The following OSBPL9 variants were observed in gnomAD, a reference collection of about 807,000 sequenced individuals.
The protein encoded by OSBPL9 is oxysterol-binding protein-related protein 9.
OSBPL9 carries 40 observed loss-of-function variants against 106.6 expected under a neutral mutation model. That is an observed-to-expected ratio of 0.38 (90% CI 0.29 to 0.49). The LOEUF (loss-of-function observed/expected upper bound fraction) is 0.49. Ranked by LOEUF, OSBPL9 falls within the 20% of genes least tolerant of loss-of-function variation. The pLI is 0.97. For missense variants in OSBPL9, 609 were observed against 887.2 expected (o/e 0.69, Z 3.98); for synonymous variants, 269 against 295.4 (o/e 0.91, Z 0.92).
chr1:51,723,379 A>G (rs922796199), intron 4 of OSBPL9, among the ~76,000 whole-genome samples: 6 of 152,126 alleles, frequency 3.9e-5, no homozygotes, highest in Admixed American at 3.3e-4. Flanking sequence ...CCAGAATGTC[A>G]TATCATTGGA....
upstream of OSBPL9, among the ~76,000 whole-genome samples, chr1:51,573,722 G>C (rs1645166399): frequency 1.3e-5 from 2 of 150,838 alleles, no homozygotes; most frequent in South Asian, 2.1e-4. Context: ...GCTGAGGCAG[G>C]AGAATCGCTT....
At chr1:51,601,254 G>A (rs949399747) in intron 2 of OSBPL9, among the ~76,000 whole-genome samples, 3 of 152,172 alleles carry the variant, frequency 2.0e-5, no homozygotes, top group Non-Finnish European at 4.4e-5. Flanking sequence ...GCCCATGTTT[G>A]GGAAATTACT....
At chr1:51,621,505 CAAA>C (rs201132605) in intron 1 of OSBPL9, among the ~76,000 whole-genome samples, 5 of 71,528 alleles carry the variant, frequency 7.0e-5, no homozygotes, top group Admixed American at 1.6e-4. Context: ...GACTCCGTCT[CAAA>C]AAAAAAAAAA....
At chr1:51,529,774 C>T in the OSBPL9 span, among the ~76,000 whole-genome samples, 1 of 150,470 alleles carries the variant, frequency 6.6e-6, no homozygotes, top group Non-Finnish European at 1.5e-5. Context: ...TGAAGTTGAA[C>T]CCCTACGTCA....
intron 2 of OSBPL9, among the ~76,000 whole-genome samples, chr1:51,652,382 C>T (rs981523174): frequency 6.6e-6 from 1 of 152,100 alleles, no homozygotes; most frequent in East Asian, 1.9e-4. Context: ...ATGGAAAAAT[C>T]CCAACTGTTA....
chr1:51,717,649 A>T (rs1661301823), intron 4 of OSBPL9, among the ~76,000 whole-genome samples: 1 of 151,420 alleles, frequency 6.6e-6, no homozygotes, highest in Non-Finnish European at 1.5e-5. Flanking sequence ...CTACAATGAG[A>T]TATCATTTCA....
chr1:51,722,445 C>T (rs1203846574), intron 4 of OSBPL9, among the ~76,000 whole-genome samples: 1 of 152,136 alleles, frequency 6.6e-6, no homozygotes, highest in Non-Finnish European at 1.5e-5. Flanking sequence ...TGTCATTGTA[C>T]TTTCCTACTT....
chr1:51,658,405 A>T (rs1036468407), intron 2 of OSBPL9, among the ~76,000 whole-genome samples: 1 of 152,172 alleles, frequency 6.6e-6, no homozygotes, highest in African/African-American at 2.4e-5. Context: ...ATTAATACAG[A>T]TGAATCTCAG....
At chr1:51,781,664 A>G (rs1261965659) in intron 16 of OSBPL9, 3 of 218,476 alleles carry the variant, frequency 1.4e-5, no homozygotes, top group African/African-American at 6.8e-5. Context: ...ATATAGAAGC[A>G]TGAAGACCAT....
chr1:51,679,055 G>C (rs1322061476), intron 3 of OSBPL9, among the ~76,000 whole-genome samples: 1 of 152,166 alleles, frequency 6.6e-6, no homozygotes, highest in Non-Finnish European at 1.5e-5. Context: ...AAATAAATCA[G>C]TTATAACTAA....
chr1:51,777,754 T>G (rs375919224), intron 15 of OSBPL9, among the ~76,000 whole-genome samples: 1 of 152,318 alleles, frequency 6.6e-6, no homozygotes, highest in African/African-American at 2.4e-5. Context: ...AAGCATTTAT[T>G]AGTAACGTGT....
intron 3 of OSBPL9, among the ~76,000 whole-genome samples, chr1:51,683,934 T>C (rs1231738505): frequency 1.3e-5 from 2 of 152,180 alleles, no homozygotes; most frequent in East Asian, 3.9e-4. Context: ...AGGCAGTGAA[T>C]GTTGGGGAGA....
At chr1:51,594,817 G>A (rs1645292061) in intron 1 of OSBPL9, 1 of 152,232 alleles carries the variant, frequency 6.6e-6, no homozygotes, top group Non-Finnish European at 1.5e-5. Context: ...ACAGGCAAGG[G>A]CGTGGAGTCT....
chr1:51,697,197 A>G (rs1261918732), intron 3 of OSBPL9, among the ~76,000 whole-genome samples: 1 of 151,908 alleles, frequency 6.6e-6, no homozygotes, highest in East Asian at 1.9e-4. Flanking sequence ...AAAAGAAAAA[A>G]GCGTGAAGAT....
Position 51,785,952 on chromosome 1 carries a change from C to T in OSBPL9, c.1908+66C>T, listed in dbSNP as rs1233408540. The T allele has an allele frequency of 2.3e-6, 3 of 1,326,652 alleles. No individual in the cohort carries two copies. In the East Asian group the frequency reaches 6.9e-5, roughly 31 times the overall value. 82.2% of individuals were successfully genotyped at this position (1,326,652 alleles called of 1,614,324 possible). ...GATTGTACTCTATCCCTTTTTCTGG[C>T]TTCCTTCATTAGTACTTCCTTCATA... On this transcript the variant is annotated intron_variant, in intron 21 of 23. Transcript: ENST00000428468.
chr1:51,579,856 AAATAAT>A (rs34556128), intron 1 of OSBPL9, among the ~76,000 whole-genome samples: 7,516 of 143,810 alleles, frequency 0.052, 227 homozygotes, highest in Middle Eastern at 0.12. Context: ...CTCTGTCTCA[AAATAAT>A]AATAATAATA....
At chr1:51,778,038 G>T (rs1260319875) in intron 15 of OSBPL9, among the ~76,000 whole-genome samples, 2 of 152,092 alleles carry the variant, frequency 1.3e-5, no homozygotes, top group African/African-American at 4.8e-5. Context: ...TGCACCTGTA[G>T]TTCCAGCTAC....
At chr1:51,644,077 C>CT (rs1645990004) in intron 1 of OSBPL9, among the ~76,000 whole-genome samples, 4 of 63,204 alleles carry the variant, frequency 6.3e-5, no homozygotes, top group Non-Finnish European at 8.0e-5. Context: ...GAGACCTTGT[C>CT]TAAAAAAAAA....
upstream of OSBPL9, chr1:51,617,064 A>G (rs1438366823): frequency 1.3e-6 from 2 of 1,565,588 alleles, no homozygotes; most frequent in African/African-American, 1.4e-5. Flanking sequence ...TGAATGCCAT[A>G]TAGGCGAGTG....
Sources: gnomAD v4.1 joint callset for allele counts (sites outside exome capture counted in the v4.1 genomes callset) on GRCh38, gnomAD v4.1.1 for gene constraint, MANE v1.5 for transcripts, NCBI Gene and HGNC (gene_info 2026-07-23, HGNC 2026-07-21) for gene names.